ZPLD1: variants seen among roughly 807,000 people sequenced by gnomAD.
ZPLD1 encodes zona pellucida like domain containing 1.
A neutral mutation model predicts 47.2 loss-of-function variants in ZPLD1; 34 were observed. The ratio of observed to expected loss-of-function variants is 0.72; its 90% confidence interval spans 0.55 to 0.96. The LOEUF is 0.96. Among genes scored for constraint, ZPLD1 ranks in the 40% least tolerant of loss-of-function variants. The pLI, the probability that ZPLD1 is intolerant of heterozygous loss-of-function variation, is 0.00. For synonymous variants in ZPLD1, 176 were observed against 186.2 expected (o/e 0.95, Z 0.45); for missense variants, 512 against 505.8 (o/e 1.01, Z -0.12).
chr3:102,443,939 G>T (rs1707217562), intron 3 of ZPLD1, among the ~76,000 whole-genome samples: 1 of 152,190 alleles, frequency 6.6e-6, no homozygotes. Flanking sequence ...TTTCCACTTT[G>T]CACCTGTGAA....
In ZPLD1 at chr3:102,469,502, A is replaced by C. The variant is rs1017014657; in HGVS notation, c.933+367A>C. Reference sequence around the variant, plus strand: ...GAGAGATGAAGCAGGAGAGGTTGAGAGGATTGTTAGAGATGAACTCCAGCT... The same window carrying C: ...GAGAGATGAAGCAGGAGAGGTTGAGCGGATTGTTAGAGATGAACTCCAGCT... On this transcript the variant is annotated intron_variant, in intron 9 of 11. Coordinates refer to ENST00000466937, the MANE Select transcript of ZPLD1 (RefSeq NM_001329788.2). 3.4e-4 allele frequency among the ~76,000 whole-genome samples: 52 copies of C among 152,226 alleles called. 1 individual carries two copies. The highest frequency in any genetic ancestry group is 1.2e-4 in the Non-Finnish European group (8 of 68,042).
chr3:102,393,449 G>A (rs1406456117), intron 7 of ZPLD1, among the ~76,000 whole-genome samples: 1 of 152,084 alleles, frequency 6.6e-6, no homozygotes. Flanking sequence ...GCAGTAAAAA[G>A]AATAAGAGTA....
chr3:102,431,361 A>G (rs1247610691), upstream of ZPLD1, among the ~76,000 whole-genome samples: 1 of 152,212 alleles, frequency 6.6e-6, no homozygotes, highest in Non-Finnish European at 1.5e-5. Context: ...TGTTTGAGGC[A>G]TTATTCTGAA....
At chr3:102,465,087 T>C (rs1286160308) in intron 8 of ZPLD1, among the ~76,000 whole-genome samples, 1 of 152,244 alleles carries the variant, frequency 6.6e-6, no homozygotes, top group Admixed American at 6.5e-5. Flanking sequence ...AATGTTAATT[T>C]GAGCAACATT....
chr3:102,401,940 G>C (rs1031555895), intron 7 of ZPLD1, among the ~76,000 whole-genome samples: 10 of 151,996 alleles, frequency 6.6e-5, no homozygotes, highest in African/African-American at 2.4e-4. Context: ...TTTAAAACCA[G>C]TTTTCACCAA....
intron 5 of ZPLD1, 127 bp downstream of exon 5, chr3:102,456,501 A>G (rs1707415625): frequency 3.8e-6 from 3 of 786,494 alleles, no homozygotes; most frequent in Non-Finnish European, 6.3e-6. Flanking sequence ...TGTAATGGGA[A>G]ACATATTATG....
chr3:102,468,110 T>C (rs1353810912), intron 8 of ZPLD1, among the ~76,000 whole-genome samples: 3 of 152,102 alleles, frequency 2.0e-5, no homozygotes, highest in Admixed American at 1.3e-4. Flanking sequence ...GTTAAAATTA[T>C]AGGGTGATAG....
chr3:102,435,604 T>G (rs1707077668), intron 1 of ZPLD1, among the ~76,000 whole-genome samples: 1 of 152,050 alleles, frequency 6.6e-6, no homozygotes. Flanking sequence ...CTTTATGCAC[T>G]TATACTTTGT....
At position 102,389,301 on chromosome 3, in the gene ZPLD1, G is replaced by A. The variant is rs1002178635; in HGVS notation, c.-212-2869G>A. Among the ~76,000 whole-genome samples, 11 of 152,310 alleles carry A rather than the reference G, an allele frequency of 7.2e-5. 1 individual carries two copies. The highest frequency in any genetic ancestry group is 6.2e-4 in the South Asian group (3 of 4,828). On this transcript the variant is annotated intron_variant, in intron 6 of 17. Transcript: ENST00000491959. ...AAAGATCAACACATATGGTTGACAT[G>A]TCATCTTGACTCAGGAGTTGTGCTA...
chr3:102,429,379 G>T (rs901569155), intron 8 of ZPLD1, among the ~76,000 whole-genome samples: 30 of 151,478 alleles, frequency 2.0e-4, no homozygotes, highest in African/African-American at 6.8e-4. Context: ...CATTCTTCTG[G>T]TCTGGTAGGA....
upstream of ZPLD1, among the ~76,000 whole-genome samples, chr3:102,432,122 T>C (rs575851674): frequency 8.9e-4 from 136 of 152,350 alleles, no homozygotes; most frequent in South Asian, 1.2e-3. Flanking sequence ...TCTGTTAAAA[T>C]ACACACATTT....
chr3:102,452,114 C>CGTGTGTGT, intron 3 of ZPLD1, among the ~76,000 whole-genome samples: 1 of 141,812 alleles, frequency 7.1e-6, no homozygotes, highest in African/African-American at 2.6e-5. Context: ...ATATGAAGAC[C>CGTGTGTGT]GTGTGTGTGT....
chr3:102,390,618 AG>A (rs1352951151), intron 6 of ZPLD1, among the ~76,000 whole-genome samples: 3 of 152,176 alleles, frequency 2.0e-5, no homozygotes, highest in African/African-American at 7.2e-5. Context: ...ATCAAATCAA[AG>A]CTCGACAAAC....
At chr3:102,422,903 A>G (rs1045150445) in intron 8 of ZPLD1, among the ~76,000 whole-genome samples, 4 of 152,056 alleles carry the variant, frequency 2.6e-5, no homozygotes, top group East Asian at 1.9e-4. Context: ...AAGCAGGGAC[A>G]TGACATGATC....
At position 102,477,719 on chromosome 3, in the gene ZPLD1, A is replaced by G. The variant is rs147797273; in HGVS notation, c.*101A>G. The G allele has an allele frequency of 8.8e-7, 1 of 1,141,518 alleles. No homozygotes were observed. The highest frequency in any genetic ancestry group is 2.5e-5 in the East Asian group (1 of 39,308). The allele number at this position is 1,141,518 out of a possible 1,614,324, so 70.7% of individuals were successfully genotyped here. ...AATTTCATGTCAGTCCACATTCAAT[A>G]TTTGTAGGTTTGATAAATTTCACAG... On this transcript the variant is annotated 3_prime_UTR_variant, in exon 12 of 12. Transcript: ENST00000466937.
intron 8 of ZPLD1, among the ~76,000 whole-genome samples, chr3:102,468,625 G>GTGAAAATAAA (rs1378914622): frequency 1.3e-5 from 2 of 152,178 alleles, no homozygotes; most frequent in East Asian, 3.8e-4. Flanking sequence ...TGGGAATGAT[G>GTGAAAATAAA]TGAAAATAAA....
intron 8 of ZPLD1, among the ~76,000 whole-genome samples, chr3:102,422,115 T>TC (rs891812968): frequency 3.3e-5 from 5 of 152,004 alleles, no homozygotes; most frequent in African/African-American, 1.2e-4. Context: ...TATGGCACTA[T>TC]CCCCTTTGTA....
At chr3:102,474,207 G>A (rs1707724917) in intron 10 of ZPLD1, among the ~76,000 whole-genome samples, 1 of 152,082 alleles carries the variant, frequency 6.6e-6, no homozygotes, top group Admixed American at 6.6e-5. Context: ...ACTTCAAAAT[G>A]CTGAAAGTGC....
chr3:102,423,840 CA>C (rs1219418612), intron 8 of ZPLD1, among the ~76,000 whole-genome samples: 1 of 152,088 alleles, frequency 6.6e-6, no homozygotes, highest in Non-Finnish European at 1.5e-5. Context: ...GATTGGTTAA[CA>C]TGACCAATAA....
Sources: allele counts gnomAD v4.1 joint callset (sites outside exome capture counted in the v4.1 genomes callset), GRCh38; gene constraint gnomAD v4.1.1; transcripts MANE v1.5; gene names NCBI Gene and HGNC (gene_info 2026-07-23, HGNC 2026-07-21).